The following ZNF892 variants were observed in gnomAD, a reference collection of about 807,000 sequenced individuals.
The protein encoded by ZNF892 is zinc finger protein 570-like.
chr2:95,233,887 G>A, the ZNF892 span, among the ~76,000 whole-genome samples: 2 of 151,540 alleles, frequency 1.3e-5, no homozygotes, highest in African/African-American at 4.9e-5. Flanking sequence ...ACCATGTTGG[G>A]CAGGCTAGTC....
At chr2:95,214,999 A>G in the ZNF892 span, 1 of 503,284 alleles carries the variant, frequency 2.0e-6, no homozygotes, top group Non-Finnish European at 3.6e-6. Flanking sequence ...TACCTCACTC[A>G]ACATCAGCGA....
At chr2:95,245,456 G>GC in the ZNF892 span, among the ~76,000 whole-genome samples, 4 of 104,444 alleles carry the variant, frequency 3.8e-5, no homozygotes, top group Non-Finnish European at 5.8e-5. Context: ...ACGGCGGGGG[G>GC]GGGGGGGTTT....
At chr2:95,254,635 G>A in the ZNF892 span, among the ~76,000 whole-genome samples, 1 of 152,086 alleles carries the variant, frequency 6.6e-6, no homozygotes, top group Non-Finnish European at 1.5e-5. Context: ...TCTATTGATT[G>A]GAATAGTTTC....
At chr2:95,207,667 CG>C in the ZNF892 span, 1 of 395,968 alleles carries the variant, frequency 2.5e-6, no homozygotes, top group Non-Finnish European at 4.4e-6. Flanking sequence ...TCTGAGTGTC[CG>C]GGAGGAGGGT....
At chr2:95,212,208 C>T in the ZNF892 span, 1 of 398,398 alleles carries the variant, frequency 2.5e-6, no homozygotes, top group South Asian at 1.3e-4. Flanking sequence ...CCAATTTCCA[C>T]ACCTGATGTA....
chr2:95,209,104 C>T, the ZNF892 span, among the ~76,000 whole-genome samples: 2 of 152,030 alleles, frequency 1.3e-5, no homozygotes, highest in Non-Finnish European at 2.9e-5. Flanking sequence ...AATCATTGGT[C>T]CAGACAAGTC....
chr2:95,240,362 AC>A, the ZNF892 span, among the ~76,000 whole-genome samples: 1 of 151,930 alleles, frequency 6.6e-6, no homozygotes, highest in African/African-American at 2.4e-5. Context: ...AGCCAAAGGA[AC>A]CCCCACCCCC....
chr2:95,207,177 G>C, the ZNF892 span, among the ~76,000 whole-genome samples: 1 of 152,224 alleles, frequency 6.6e-6, no homozygotes, highest in African/African-American at 2.4e-5. Context: ...CAGCAGCGAG[G>C]ACACCGCCGG....
At chr2:95,239,777 G>T in the ZNF892 span, among the ~76,000 whole-genome samples, 1 of 152,078 alleles carries the variant, frequency 6.6e-6, no homozygotes, top group Non-Finnish European at 1.5e-5. Context: ...ACAGGCATCT[G>T]CCACCACACC....
At chr2:95,211,973 A>C in the ZNF892 span, among the ~76,000 whole-genome samples, 4 of 152,244 alleles carry the variant, frequency 2.6e-5, no homozygotes, top group African/African-American at 9.6e-5. Context: ...CAAAGTGCTA[A>C]TGAAAACAAC....
the ZNF892 span, among the ~76,000 whole-genome samples, chr2:95,250,801 C>A: frequency 1.1e-4 from 16 of 143,630 alleles, no homozygotes; most frequent in Admixed American, 1.1e-3. Flanking sequence ...ATAAAATATT[C>A]ATAAATTATA....
the ZNF892 span, among the ~76,000 whole-genome samples, chr2:95,248,300 C>T: frequency 1.3e-5 from 2 of 152,128 alleles, no homozygotes; most frequent in African/African-American, 4.8e-5. Flanking sequence ...CTCATGGACA[C>T]ACAGATGAAA....
chr2:95,213,711 G>C, the ZNF892 span, among the ~76,000 whole-genome samples: 1 of 152,164 alleles, frequency 6.6e-6, no homozygotes, highest in African/African-American at 2.4e-5. Flanking sequence ...GTGGTCATTT[G>C]AGTTTGTAGA....
At chr2:95,221,392 A>ATT in the ZNF892 span, among the ~76,000 whole-genome samples, 1 of 152,150 alleles carries the variant, frequency 6.6e-6, no homozygotes, top group Non-Finnish European at 1.5e-5. Flanking sequence ...TAATGTGGTA[A>ATT]AGTACATTGA....
chr2:95,214,252 C>T, the ZNF892 span: 148 of 397,180 alleles, frequency 3.7e-4, 4 homozygotes, highest in South Asian at 0.019. Flanking sequence ...ATGAAACAAA[C>T]ATGTTTCATT....
chr2:95,243,103 C>T, the ZNF892 span, among the ~76,000 whole-genome samples: 13 of 152,326 alleles, frequency 8.5e-5, no homozygotes, highest in Middle Eastern at 6.8e-3. Flanking sequence ...CCGCCAGCCT[C>T]GGCCTCCTGA....
the ZNF892 span, among the ~76,000 whole-genome samples, chr2:95,249,886 A>G: frequency 6.6e-6 from 1 of 152,348 alleles, no homozygotes; most frequent in African/African-American, 2.4e-5. Flanking sequence ...TTAACTTAGT[A>G]GAACTTTAAA....
the ZNF892 span, among the ~76,000 whole-genome samples, chr2:95,213,908 A>G: frequency 3.9e-5 from 6 of 152,176 alleles, no homozygotes; most frequent in Non-Finnish European, 8.8e-5. Context: ...TGAGGCATGA[A>G]ATGATAAGGC....
chr2:95,262,577 A>G, the ZNF892 span, among the ~76,000 whole-genome samples: 1 of 152,164 alleles, frequency 6.6e-6, no homozygotes, highest in Non-Finnish European at 1.5e-5. Context: ...TGGGATGTGG[A>G]AGGGATGACT....
Sources: allele counts gnomAD v4.1 joint callset (sites outside exome capture counted in the v4.1 genomes callset), GRCh38; gene constraint gnomAD v4.1.1; transcripts MANE v1.5; gene names NCBI Gene and HGNC (gene_info 2026-07-23, HGNC 2026-07-21).